The following ZFHX3 variants were observed in gnomAD, a reference collection of about 807,000 sequenced individuals.
ZFHX3 encodes zinc finger homeobox protein 3.
A neutral mutation model predicts 279.1 loss-of-function variants in ZFHX3; 42 were observed. The ratio of observed to expected loss-of-function variants is 0.15; its 90% confidence interval spans 0.12 to 0.19. The LOEUF (loss-of-function observed/expected upper bound fraction) is 0.19. Ranked by LOEUF, ZFHX3 falls within the 10% of genes least tolerant of loss-of-function variation. The probability of loss-of-function intolerance (pLI) is 1.00; values close to 1 mark genes in which losing one functional copy is unlikely to be tolerated. For missense variants in ZFHX3, 4,981 were observed against 4,754.0 expected, an observed-to-expected ratio of 1.05 and a Z score of -1.40; for synonymous variants, 2,293 against 1,957.8, an observed-to-expected ratio of 1.17 and a Z score of -4.52.
At chr16:73,821,019 G>A (rs1054128548) in intron 1 of ZFHX3, among the ~76,000 whole-genome samples, 1 of 152,072 alleles carries the variant, frequency 6.6e-6, no homozygotes, top group East Asian at 1.9e-4. Context: ...CAAATGATGG[G>A]ACTGAGGTCT....
At chr16:73,171,325 T>G (rs1967517491) in intron 5 of ZFHX3, among the ~76,000 whole-genome samples, 1 of 152,114 alleles carries the variant, frequency 6.6e-6, no homozygotes, top group Non-Finnish European at 1.5e-5. Context: ...CCGAGGTATC[T>G]TCAAGGAAAC....
intron 5 of ZFHX3, among the ~76,000 whole-genome samples, chr16:73,163,680 C>A (rs1034961449): frequency 6.6e-6 from 1 of 152,012 alleles, no homozygotes; most frequent in Non-Finnish European, 1.5e-5. Flanking sequence ...ACGTTTCCTG[C>A]AATGTTTGTG....
chr16:73,719,725 C>T (rs561157156), intron 1 of ZFHX3, among the ~76,000 whole-genome samples: 61 of 151,204 alleles, frequency 4.0e-4, no homozygotes, highest in African/African-American at 1.4e-3. Context: ...CCTCCGCCTC[C>T]GGGGTTCAAG....
chr16:72,844,974 G>C (rs2037441307), intron 4 of ZFHX3, among the ~76,000 whole-genome samples: 1 of 151,938 alleles, frequency 6.6e-6, no homozygotes, highest in Non-Finnish European at 1.5e-5. Flanking sequence ...CGAGAGCACA[G>C]ACAGAACTGA....
rs758141494 is a variant in ZFHX3 at position 72,786,584 on chromosome 16, C to CAAAAAAAAAAAAAAAAAATAAAAAAAA, written c.*579_*580insTTTTTTTTATTTTTTTTTTTTTTTTTT. The CAAAAAAAAAAAAAAAAAATAAAAAAAA allele has an allele frequency of 1.5e-5, 1 of 66,428 alleles. No homozygotes were observed. The highest frequency in any genetic ancestry group is 3.2e-5 in the Non-Finnish European group (1 of 31,124). The allele number at this position is 66,428 out of a possible 1,614,324, so 4.1% of individuals were successfully genotyped here. ...ACAAAACAAAAAATCTTTTCTGGAACAAAAAAAAAAAAAAAAACTGAAAAA... is the reference window on the plus strand; with the variant it reads ...ACAAAACAAAAAATCTTTTCTGGAACAAAAAAAAAAAAAAAAAATAAAAAAAAAAAAAAAAAAAAAAAAACTGAAAAA... On this transcript the variant is annotated 3_prime_UTR_variant, in exon 10 of 10. Coordinates refer to ENST00000268489, the MANE Select transcript of ZFHX3 (RefSeq NM_006885.4).
Position 73,298,086 on chromosome 16 carries a change from G to C in ZFHX3, c.-1194+20154C>G, listed in dbSNP as rs117549391. On this transcript the variant is annotated intron_variant, in intron 4 of 17. Coordinates refer to the ZFHX3 transcript ENST00000641206. ...TGTGCCTATAATACTAGCGACCTGG[G>C]AGGCTGAGGTAGGAGGAGTGCTTGA... Among the ~76,000 whole-genome samples the C allele has an allele frequency of 8.5e-3, 1,296 of 151,884 alleles. 14 individuals are homozygous for C. Among genetic ancestry groups the C allele is most frequent in the Non-Finnish European group, 0.014 (967 of 68,006 alleles).
chr16:73,068,142 A>G (rs1305772490), intron 8 of ZFHX3, among the ~76,000 whole-genome samples: 1 of 152,226 alleles, frequency 6.6e-6, no homozygotes, highest in Non-Finnish European at 1.5e-5. Flanking sequence ...CCCATCTTAT[A>G]GATGAGGAAT....
chr16:73,263,754 C>T (rs2013889831), intron 4 of ZFHX3, among the ~76,000 whole-genome samples: 1 of 152,186 alleles, frequency 6.6e-6, no homozygotes, highest in East Asian at 1.9e-4. Context: ...ACTCTAGACC[C>T]CTGTTACTGG....
At chr16:72,969,241 G>A (rs981570893) in intron 1 of ZFHX3, among the ~76,000 whole-genome samples, 1 of 152,088 alleles carries the variant, frequency 6.6e-6, no homozygotes, top group African/African-American at 2.4e-5. Flanking sequence ...CTGTGAGGCT[G>A]GACAGAGAGG....
intron 5 of ZFHX3, among the ~76,000 whole-genome samples, chr16:73,155,243 A>G (rs557554754): frequency 6.6e-6 from 1 of 152,014 alleles, no homozygotes; most frequent in Non-Finnish European, 1.5e-5. Flanking sequence ...TGGCATGTAT[A>G]CTCTGAATAG....
At chr16:72,803,417 G>C (rs1403024516) in intron 7 of ZFHX3, among the ~76,000 whole-genome samples, 1 of 152,132 alleles carries the variant, frequency 6.6e-6, no homozygotes, top group Admixed American at 6.5e-5. Context: ...AAACATGTAG[G>C]TTTATGAGAA....
Position 73,375,407 on chromosome 16 carries a change from C to G in ZFHX3, c.-1290-57071G>C, listed in dbSNP as rs918373015. Among the ~76,000 whole-genome samples the G allele has an allele frequency of 8.5e-5, 13 of 152,142 alleles. No individual in the cohort carries two copies. In the East Asian group the frequency reaches 1.9e-3, roughly 23 times the overall value. Reference sequence around the variant, plus strand: ...CCATTTCTCCAAAAAGCCCTGGGTCCTTTTAGTGAGAAGCAGTATTTAGAA... The same window carrying G: ...CCATTTCTCCAAAAAGCCCTGGGTCGTTTTAGTGAGAAGCAGTATTTAGAA... On this transcript the variant is annotated intron_variant, in intron 3 of 17. Coordinates refer to the ZFHX3 transcript ENST00000641206.
In ZFHX3 at chr16:72,788,282, G is replaced by C; in HGVS notation, c.9994C>G (p.Leu3332Val). 3 of 1,614,208 alleles carry C rather than the reference G, an allele frequency of 1.9e-6. No individual in the cohort carries two copies. The highest frequency in any genetic ancestry group is 2.5e-6 in the Non-Finnish European group (3 of 1,180,040). The change falls in exon 10 of 10, where the codon CTG becomes GTG. Residue 3332 changes from leucine (L) to valine (V), a missense_variant. Leu to Val is a conservative substitution (Grantham distance 32). This residue lies in a region of ZFHX3 where 1,034 missense variants were observed against 786.0 expected (regional missense o/e 1.32). Coordinates refer to ENST00000268489, the MANE Select transcript of ZFHX3 (RefSeq NM_006885.4). Reference sequence around the variant, plus strand: ...CCTTCCATGCCATACATAGGCTGCAGGTACCCGCTCTGCAGGGCGCCAGGG... The same window carrying C: ...CCTTCCATGCCATACATAGGCTGCACGTACCCGCTCTGCAGGGCGCCAGGG... Reference protein sequence around the residue: ...QIPGALQSGYLQPMYGMEGLF... With the variant: ...QIPGALQSGYVQPMYGMEGLF...
At chr16:73,380,146 T>G (rs1371303550) in intron 3 of ZFHX3, among the ~76,000 whole-genome samples, 1 of 152,150 alleles carries the variant, frequency 6.6e-6, no homozygotes, top group Non-Finnish European at 1.5e-5. Context: ...GAGAATGACA[T>G]TATATAATGT....
intron 1 of ZFHX3, among the ~76,000 whole-genome samples, chr16:72,997,084 T>C (rs1304559664): frequency 6.6e-6 from 1 of 152,052 alleles, no homozygotes; most frequent in Admixed American, 6.5e-5. Flanking sequence ...AAACCAACCC[T>C]GAGAAAGGAA....
At chr16:73,631,923 TCTCTCACACA>T (rs1166948652) in intron 2 of ZFHX3, among the ~76,000 whole-genome samples, 6 of 101,836 alleles carry the variant, frequency 5.9e-5, no homozygotes, top group African/African-American at 2.0e-4. Context: ...TCTCTCTCTC[TCTCTCACACA>T]CACACACACA....
At chr16:73,717,419 C>A (rs1304641628) in intron 1 of ZFHX3, among the ~76,000 whole-genome samples, 3 of 152,216 alleles carry the variant, frequency 2.0e-5, no homozygotes, top group African/African-American at 7.2e-5. Context: ...GCCCTCCTCA[C>A]TGGTCACTGG....
At chr16:73,104,752 T>A (rs943886148) in intron 7 of ZFHX3, among the ~76,000 whole-genome samples, 3 of 152,208 alleles carry the variant, frequency 2.0e-5, no homozygotes, top group Admixed American at 6.5e-5. Flanking sequence ...CCTCTTCACC[T>A]GGCTAACTTT....
At chr16:73,254,104 G>A (rs753395029) in intron 5 of ZFHX3, among the ~76,000 whole-genome samples, 8 of 152,100 alleles carry the variant, frequency 5.3e-5, no homozygotes, top group Non-Finnish European at 1.2e-4. Flanking sequence ...AACAGTGGGG[G>A]TACCAGAACT....
Sources: gnomAD v4.1 joint callset for allele counts (sites outside exome capture counted in the v4.1 genomes callset) on GRCh38, gnomAD v4.1.1 for gene constraint, gnomAD v4.1.1 regional missense constraint, MANE v1.5 for transcripts, NCBI Gene and HGNC (gene_info 2026-07-23, HGNC 2026-07-21) for gene names.